FMN2: variants seen among roughly 807,000 people sequenced by gnomAD.
FMN2 encodes formin 2, also known as formin-2.
FMN2 carries 51 observed loss-of-function variants against 142.3 expected under a neutral mutation model. The observed-to-expected ratio is 0.36, with a 90% CI of 0.29 to 0.45. FMN2 has a LOEUF of 0.45. FMN2 is among the 20% of genes least tolerant of loss of function. FMN2 has a pLI of 1.00. For synonymous variants in FMN2, 882 were observed against 869.8 expected (o/e 1.01, Z -0.25); for missense variants, 1,936 against 2,122.8 (o/e 0.91, Z 1.73).
intron 2 of FMN2, among the ~76,000 whole-genome samples, chr1:240,163,648 T>G (rs1456432324): frequency 2.0e-5 from 3 of 152,186 alleles, no homozygotes; most frequent in South Asian, 4.1e-4. Context: ...CTTGACAGTC[T>G]TTTGTTTTTT....
chr1:240,396,686 A>G (rs893961517), intron 15 of FMN2, among the ~76,000 whole-genome samples: 8 of 152,184 alleles, frequency 5.3e-5, no homozygotes, highest in African/African-American at 9.7e-5. Flanking sequence ...GCTCCCACTT[A>G]TAAGTGAGAA....
chr1:240,357,228 T>G (rs1325369870), intron 14 of FMN2, among the ~76,000 whole-genome samples: 2 of 152,212 alleles, frequency 1.3e-5, no homozygotes, highest in Non-Finnish European at 2.9e-5. Context: ...CTAGGAGGAT[T>G]TATTCAAAAA....
At chr1:240,127,643 A>G (rs1021296809) in intron 2 of FMN2, among the ~76,000 whole-genome samples, 42 of 152,050 alleles carry the variant, frequency 2.8e-4, no homozygotes, top group African/African-American at 9.2e-4. Context: ...ATGCCCAGCT[A>G]ATTTTTTAAG....
At chr1:240,177,425 A>G (rs1181653760) in intron 2 of FMN2, among the ~76,000 whole-genome samples, 3 of 150,846 alleles carry the variant, frequency 2.0e-5, no homozygotes, top group African/African-American at 7.3e-5. Flanking sequence ...CCAGTTTCCA[A>G]CCTGGACCCC....
chr1:240,400,497 T>C (rs541530051), intron 15 of FMN2, among the ~76,000 whole-genome samples: 1 of 152,262 alleles, frequency 6.6e-6, no homozygotes, highest in African/African-American at 2.4e-5. Flanking sequence ...TCTAGGACCT[T>C]GTATGTAAGC....
intron 6 of FMN2, among the ~76,000 whole-genome samples, chr1:240,252,808 C>A (rs1224841724): frequency 6.6e-6 from 1 of 151,826 alleles, no homozygotes; most frequent in African/African-American, 2.4e-5. Context: ...GTCTAAATCT[C>A]TTACTAGACT....
chr1:240,450,474 A>G (rs538376323), intron 16 of FMN2, among the ~76,000 whole-genome samples: 1 of 152,160 alleles, frequency 6.6e-6, no homozygotes, highest in South Asian at 2.1e-4. Context: ...TAGGTAATCA[A>G]CCTCATCTGT....
At chr1:240,229,164 CTCTT>C (rs1311400463) in intron 6 of FMN2, among the ~76,000 whole-genome samples, 6 of 152,136 alleles carry the variant, frequency 3.9e-5, no homozygotes, top group African/African-American at 1.4e-4. Flanking sequence ...GTTTTGAAGA[CTCTT>C]TCTTCCATCA....
chr1:240,279,771 A>G (rs374785891), intron 7 of FMN2, among the ~76,000 whole-genome samples: 36 of 152,306 alleles, frequency 2.4e-4, no homozygotes, highest in African/African-American at 8.2e-4. Context: ...AGTAATTTTT[A>G]CACATCAACA....
chr1:240,284,242 G>T (rs1035367561), intron 7 of FMN2, among the ~76,000 whole-genome samples: 3 of 152,074 alleles, frequency 2.0e-5, no homozygotes, highest in African/African-American at 7.2e-5. Context: ...TGTCATGTGG[G>T]TAATTGTCAG....
intron 4 of FMN2, among the ~76,000 whole-genome samples, chr1:240,199,357 A>G (rs1186721977): frequency 6.6e-6 from 1 of 152,240 alleles, no homozygotes; most frequent in Non-Finnish European, 1.5e-5. Flanking sequence ...CTTTAAAAGT[A>G]TCCTGCTTAC....
intron 1 of FMN2, among the ~76,000 whole-genome samples, chr1:240,121,190 G>T (rs10926130): frequency 0.28 from 42,270 of 151,376 alleles, 6,305 homozygotes; most frequent in Non-Finnish European, 0.34. Flanking sequence ...AAGGCCTATA[G>T]CTATGACTCT....
chr1:240,195,185 C>T (rs1037666), intron 4 of FMN2, among the ~76,000 whole-genome samples: 107,145 of 152,126 alleles, frequency 0.7, 38,550 homozygotes, highest in African/African-American at 0.83. Context: ...GGTGCTTTCA[C>T]GGCCAATCAC....
chr1:240,154,178 G>A (rs74918585), intron 2 of FMN2, among the ~76,000 whole-genome samples: 7 of 146,820 alleles, frequency 4.8e-5, no homozygotes, highest in African/African-American at 1.2e-4. Context: ...ATTCATGTCC[G>A]TGTCTTAGGA....
intron 16 of FMN2, among the ~76,000 whole-genome samples, chr1:240,463,499 C>T (rs1676514989): frequency 6.6e-6 from 1 of 152,072 alleles, no homozygotes; most frequent in African/African-American, 2.4e-5. Context: ...ATCTAAAAGT[C>T]TTCACCGCAG....
At chr1:240,148,347 GAA>G (rs1216312043) in intron 2 of FMN2, among the ~76,000 whole-genome samples, 1 of 103,762 alleles carries the variant, frequency 9.6e-6, no homozygotes, top group Admixed American at 1.0e-4. Flanking sequence ...GATAAAGAGA[GAA>G]AGACAGAGAG....
At position 240,474,498 on chromosome 1, in the gene FMN2, G is replaced by A. The variant is rs561182706; in HGVS notation, c.*344G>A. ...ATTCACTGTTGTGAGAATATTCCTC[G>A]TCACAGCAAAAACACTTTCCTTTCT... On this transcript the variant is annotated 3_prime_UTR_variant, in exon 18 of 18. Transcript: ENST00000319653. The A allele has an allele frequency of 5.8e-5, 12 of 205,364 alleles. No individual in the cohort carries two copies. Among genetic ancestry groups the A allele is most frequent in the African/African-American group, 2.3e-4 (10 of 43,570 alleles). 12.7% of individuals were successfully genotyped at this position (205,364 alleles called of 1,614,324 possible).
At chr1:240,220,874 C>A (rs140504533) in intron 6 of FMN2, among the ~76,000 whole-genome samples, 43 of 152,188 alleles carry the variant, frequency 2.8e-4, no homozygotes, top group Non-Finnish European at 4.1e-4. Flanking sequence ...CCAGCCCCCC[C>A]ACCCCACGAC....
intron 15 of FMN2, among the ~76,000 whole-genome samples, chr1:240,410,210 T>C (rs114220779): frequency 0.028 from 4,253 of 152,042 alleles, 207 homozygotes; most frequent in African/African-American, 0.098. Flanking sequence ...TTAAAAAACA[T>C]CTTAAATGTA....
Sources: allele counts gnomAD v4.1 joint callset (sites outside exome capture counted in the v4.1 genomes callset), GRCh38; gene constraint gnomAD v4.1.1; transcripts MANE v1.5; gene names NCBI Gene and HGNC (gene_info 2026-07-23, HGNC 2026-07-21).